Variants in STPG2 observed in about 807,000 individuals in gnomAD.
The protein encoded by STPG2 is sperm tail PG-rich repeat containing 2, also known as sperm-tail PG-rich repeat-containing protein 2.
STPG2 carries 56 observed loss-of-function variants against 54.2 expected under a neutral mutation model. The observed-to-expected ratio is 1.03, with a 90% CI of 0.83 to 1.29. The LOEUF (loss-of-function observed/expected upper bound fraction) is 1.29, where lower values mean the gene tolerates loss of function less well. Among genes scored for constraint, STPG2 ranks in the 50% most tolerant of loss-of-function variants. The pLI is 0.00. For synonymous variants in STPG2, 200 were observed against 181.8 expected (o/e 1.10, Z -0.81); for missense variants, 596 against 544.9 (o/e 1.09, Z -0.93).
intron 10 of STPG2, among the ~76,000 whole-genome samples, chr4:97,576,186 C>T (rs1732717761): frequency 6.6e-6 from 1 of 151,492 alleles, no homozygotes; most frequent in African/African-American, 2.4e-5. Flanking sequence ...GCCATGCTGC[C>T]CAAAGCAATT....
At chr4:97,566,714 G>A (rs1732457874) in intron 10 of STPG2, among the ~76,000 whole-genome samples, 1 of 151,936 alleles carries the variant, frequency 6.6e-6, no homozygotes, top group South Asian at 2.1e-4. Context: ...AAAAAATGAT[G>A]AGTTCATGTC....
intron 9 of STPG2, among the ~76,000 whole-genome samples, chr4:97,715,768 C>A (rs577561898): frequency 6.6e-6 from 1 of 152,136 alleles, no homozygotes; most frequent in Non-Finnish European, 1.5e-5. Context: ...CAATACCATT[C>A]AGGACATAGG....
intron 10 of STPG2, among the ~76,000 whole-genome samples, chr4:97,629,408 C>T (rs1240355094): frequency 1.3e-5 from 2 of 151,942 alleles, no homozygotes; most frequent in Non-Finnish European, 2.9e-5. Flanking sequence ...TGTGCGTGCA[C>T]GCACTATAGG....
chr4:97,868,601 A>C (rs1167655400), intron 8 of STPG2, among the ~76,000 whole-genome samples: 1 of 151,824 alleles, frequency 6.6e-6, no homozygotes, highest in African/African-American at 2.4e-5. Flanking sequence ...TGTTTTGGCT[A>C]GTAAATTTTG....
chr4:97,652,820 G>A (rs974508523), intron 10 of STPG2, among the ~76,000 whole-genome samples: 15 of 152,002 alleles, frequency 9.9e-5, no homozygotes, highest in Admixed American at 9.8e-4. Context: ...CCATAGCTAA[G>A]TAGATTACAC....
At chr4:98,126,440 G>A (rs191662717) in intron 3 of STPG2, among the ~76,000 whole-genome samples, 1 of 152,194 alleles carries the variant, frequency 6.6e-6, no homozygotes, top group Non-Finnish European at 1.5e-5. Context: ...TGAGAAAAGT[G>A]TAGTTTCCTG....
At chr4:97,872,652 T>C (rs1358152613) in intron 8 of STPG2, among the ~76,000 whole-genome samples, 4 of 151,368 alleles carry the variant, frequency 2.6e-5, no homozygotes, top group African/African-American at 7.2e-5. Flanking sequence ...CTTTAATCTG[T>C]ATAAAATGAA....
At chr4:97,720,629 T>C (rs1284808873) in intron 9 of STPG2, among the ~76,000 whole-genome samples, 3 of 151,972 alleles carry the variant, frequency 2.0e-5, no homozygotes, top group Non-Finnish European at 2.9e-5. Flanking sequence ...AGTTGATAAA[T>C]TTAGGGAATT....
At chr4:97,859,245 A>C (rs552647331) in intron 8 of STPG2, among the ~76,000 whole-genome samples, 1 of 152,010 alleles carries the variant, frequency 6.6e-6, no homozygotes, top group South Asian at 2.1e-4. Flanking sequence ...ATGGGATTAC[A>C]TGGGGTTGTT....
chr4:98,043,700 T>A (rs1476581255), intron 5 of STPG2, among the ~76,000 whole-genome samples: 1 of 152,164 alleles, frequency 6.6e-6, no homozygotes, highest in East Asian at 1.9e-4. Flanking sequence ...TTTCATCTTT[T>A]TTCTTTAATA....
At chr4:97,575,634 T>G (rs938138483) in intron 10 of STPG2, among the ~76,000 whole-genome samples, 4 of 152,122 alleles carry the variant, frequency 2.6e-5, no homozygotes, top group African/African-American at 9.7e-5. Flanking sequence ...AAGAGCCATC[T>G]ATGACAAACT....
rs557996598 is a variant in STPG2 at position 98,102,620 on chromosome 4, T to C, written c.612+3333A>G. 7.2e-5 allele frequency among the ~76,000 whole-genome samples: 11 copies of C among 152,192 alleles called. No individual in the cohort carries two copies. The East Asian group carries it at 9.7e-4, about 13-fold the overall frequency. On this transcript the variant is annotated intron_variant, in intron 5 of 10. Transcript: ENST00000295268. ...ATTACCCTATTAATTATCAGTTCAATGCATTTCTGTAGCTCCTCTATTCCC... is the reference window on the plus strand; with the variant it reads ...ATTACCCTATTAATTATCAGTTCAACGCATTTCTGTAGCTCCTCTATTCCC...
At chr4:97,543,741 C>T (rs145718571) in intron 4 of STPG2, among the ~76,000 whole-genome samples, 66 of 152,178 alleles carry the variant, frequency 4.3e-4, no homozygotes, top group African/African-American at 1.5e-3. Flanking sequence ...TTCTACAGCA[C>T]AATAAATTGA....
At chr4:97,775,777 A>T (rs2149066126) in intron 9 of STPG2, among the ~76,000 whole-genome samples, 1 of 152,276 alleles carries the variant, frequency 6.6e-6, no homozygotes, top group South Asian at 2.1e-4. Context: ...GATTATTATT[A>T]TTATTTTTAA....
At chr4:97,455,215 G>T (rs867737450) in intron 4 of STPG2, among the ~76,000 whole-genome samples, 1 of 152,124 alleles carries the variant, frequency 6.6e-6, no homozygotes, top group African/African-American at 2.4e-5. Context: ...ATACAGGAGT[G>T]GGGCAGGGAA....
chr4:97,650,256 C>G (rs1722027543), intron 10 of STPG2, among the ~76,000 whole-genome samples: 1 of 152,094 alleles, frequency 6.6e-6, no homozygotes, highest in East Asian at 1.9e-4. Flanking sequence ...AGTACCAGTC[C>G]GTGGCCCAGG....
At chr4:97,659,011 T>C (rs1722297512) in intron 10 of STPG2, among the ~76,000 whole-genome samples, 1 of 152,148 alleles carries the variant, frequency 6.6e-6, no homozygotes, top group South Asian at 2.1e-4. Context: ...AGAAAACAAT[T>C]AATTAATACT....
chr4:97,808,697 C>A (rs201637497), intron 9 of STPG2, among the ~76,000 whole-genome samples: 9 of 142,514 alleles, frequency 6.3e-5, no homozygotes, highest in South Asian at 2.2e-4. Context: ...AGACAAAAAC[C>A]AAAAAAAAAA....
chr4:98,127,403 A>T (rs1223700301), intron 3 of STPG2, among the ~76,000 whole-genome samples: 1 of 152,218 alleles, frequency 6.6e-6, no homozygotes, highest in Non-Finnish European at 1.5e-5. Flanking sequence ...ACTGCCACAA[A>T]CCAAATGGTT....
Sources: allele counts gnomAD v4.1 joint callset (sites outside exome capture counted in the v4.1 genomes callset), GRCh38; gene constraint gnomAD v4.1.1; transcripts MANE v1.5; gene names NCBI Gene and HGNC (gene_info 2026-07-23, HGNC 2026-07-21).